Variants in GBF1 observed in about 807,000 individuals in gnomAD.
GBF1 encodes the protein Golgi-specific brefeldin A-resistance guanine nucleotide exchange factor 1.
A neutral mutation model predicts 210.5 loss-of-function variants in GBF1; 114 were observed. The ratio of observed to expected loss-of-function variants is 0.54; its 90% CI spans 0.47 to 0.63. The LOEUF is 0.63. Among genes scored for constraint, GBF1 ranks in the 30% least tolerant of loss-of-function variants. GBF1 has a pLI of 0.00. For synonymous variants in GBF1, 850 were observed against 889.2 expected (o/e 0.96, Z 0.78); for missense variants, 1,851 against 2,357.7 (o/e 0.79, Z 4.45).
At chr10:102,237,868 C>T in the GBF1 span, among the ~76,000 whole-genome samples, 17 of 152,142 alleles carry the variant, frequency 1.1e-4, no homozygotes, top group African/African-American at 3.4e-4. Context: ...CCTCCACTCC[C>T]GTACTGCCCT....
At chr10:102,231,308 G>A in the GBF1 span, among the ~76,000 whole-genome samples, 1 of 152,234 alleles carries the variant, frequency 6.6e-6, no homozygotes, top group Non-Finnish European at 1.5e-5. Flanking sequence ...ATCGGCGCCA[G>A]GGTCTGGCGG....
At chr10:102,381,376 T>A in intron 39 of GBF1, 121 bp downstream of exon 39, 1 of 927,886 alleles carries the variant, frequency 1.1e-6, no homozygotes, top group South Asian at 1.6e-5. Context: ...AGAAGGCCAC[T>A]AGAGAGAACT....
chr10:102,338,117 T>C (rs1040707861), intron 3 of GBF1, among the ~76,000 whole-genome samples: 2 of 152,126 alleles, frequency 1.3e-5, no homozygotes, highest in East Asian at 3.8e-4. Flanking sequence ...CCTGGTGGGC[T>C]CATTAAAAAG....
intron 3 of GBF1, among the ~76,000 whole-genome samples, chr10:102,301,227 T>A (rs942201686): frequency 1.3e-5 from 2 of 152,174 alleles, no homozygotes; most frequent in Non-Finnish European, 2.9e-5. Context: ...ACAAAGCACA[T>A]CTTGCACCAC....
At chr10:102,296,579 C>G (rs1267057356) in intron 3 of GBF1, among the ~76,000 whole-genome samples, 1 of 152,006 alleles carries the variant, frequency 6.6e-6, no homozygotes, top group Non-Finnish European at 1.5e-5. Flanking sequence ...CCCATCTCTA[C>G]TAAAAAGACA....
At chr10:102,347,137 TC>T (rs1366812979) in intron 4 of GBF1, among the ~76,000 whole-genome samples, 30 of 152,212 alleles carry the variant, frequency 2.0e-4, no homozygotes, top group Non-Finnish European at 4.0e-4. Context: ...CAGGCAGCTG[TC>T]TTTGTTTCTT....
intron 35 of GBF1, 21 bp downstream of exon 35, chr10:102,379,672 TAAGATA>T: frequency 1.2e-6 from 2 of 1,613,506 alleles, no homozygotes; most frequent in Non-Finnish European, 1.7e-6. Flanking sequence ...CTACTGGTCT[TAAGATA>T]AAGTTCAAAT....
intron 3 of GBF1, among the ~76,000 whole-genome samples, chr10:102,337,972 C>T (rs2057885703): frequency 6.6e-6 from 1 of 152,162 alleles, no homozygotes; most frequent in Admixed American, 6.5e-5. Flanking sequence ...CTCTTATGCT[C>T]CTGGCAATCA....
the GBF1 span, among the ~76,000 whole-genome samples, chr10:102,235,260 G>A: frequency 6.6e-6 from 1 of 151,386 alleles, no homozygotes; most frequent in South Asian, 2.1e-4. Flanking sequence ...GGAGGAGCAG[G>A]CCAAGGGGCC....
In GBF1 at chr10:102,357,685, C is replaced by T. The variant is rs116939649; in HGVS notation, c.640-354C>T. Among the ~76,000 whole-genome samples, 57 of 152,186 alleles carry T rather than the reference C, an allele frequency of 3.7e-4. No homozygotes were observed. The East Asian group carries it at 0.011, about 28-fold the overall frequency. On this transcript the variant is annotated intron_variant, in intron 8 of 39. Coordinates refer to ENST00000369983, the MANE Select transcript of GBF1 (RefSeq NM_001377137.1). ...CAGGGCAAAGGAAACCCTGCCCTTA[C>T]ACTTTCTGCAAGAGGGTCATGCATC...
chr10:102,358,831 G>A, intron 10 of GBF1, 102 bp downstream of exon 10: 1 of 734,322 alleles, frequency 1.4e-6, no homozygotes, highest in Non-Finnish European at 2.3e-6. Context: ...AGAAGCTTGG[G>A]GTAACTTCAA....
chr10:102,360,427 C>A (rs778101014), intron 12 of GBF1, 32 bp downstream of exon 12: 7 of 1,426,336 alleles, frequency 4.9e-6, no homozygotes, highest in Non-Finnish European at 6.9e-6. Context: ...GTCTCAGAGC[C>A]TCTTTCAAGG....
chr10:102,353,981 T>C, intron 8 of GBF1, among the ~76,000 whole-genome samples: 1 of 152,206 alleles, frequency 6.6e-6, no homozygotes, highest in Admixed American at 6.5e-5. Flanking sequence ...GACTTAGCCT[T>C]ATCCGCAGGT....
upstream of GBF1, among the ~76,000 whole-genome samples, chr10:102,241,875 A>T (rs1380867682): frequency 6.6e-6 from 1 of 152,176 alleles, no homozygotes; most frequent in African/African-American, 2.4e-5. The surrounding 1 kb of genome is among the most constrained non-coding windows in gnomAD (Gnocchi z 6.7). Context: ...CGCTACCCCG[A>T]GGAAAGTGGA....
intron 3 of GBF1, among the ~76,000 whole-genome samples, chr10:102,306,525 G>A (rs1322022166): frequency 2.0e-5 from 3 of 152,242 alleles, no homozygotes; most frequent in Non-Finnish European, 4.4e-5. Flanking sequence ...CCAGGTTCAA[G>A]CGATTCTCTG....
intron 3 of GBF1, among the ~76,000 whole-genome samples, chr10:102,290,522 A>G (rs1164171553): frequency 6.6e-6 from 1 of 152,016 alleles, no homozygotes; most frequent in Non-Finnish European, 1.5e-5. Context: ...TTAAATTTTC[A>G]GACAGGGTCT....
At chr10:102,245,141 G>A (rs2070696180), upstream of GBF1, among the ~76,000 whole-genome samples, 1 of 152,200 alleles carries the variant, frequency 6.6e-6, no homozygotes, top group South Asian at 2.1e-4. Context: ...GGACAGGGGA[G>A]TAGGGATGCC....
At chr10:102,336,614 C>T (rs142636368) in intron 3 of GBF1, among the ~76,000 whole-genome samples, 1 of 152,280 alleles carries the variant, frequency 6.6e-6, no homozygotes, top group African/African-American at 2.4e-5. Context: ...ACCCAGAACA[C>T]TTAAGTAATT....
chr10:102,298,328 C>T (rs778647980), intron 3 of GBF1, among the ~76,000 whole-genome samples: 3 of 152,112 alleles, frequency 2.0e-5, no homozygotes, highest in Admixed American at 6.5e-5. Context: ...GATGACAAGT[C>T]GAGTCCACAC....
Sources: allele counts gnomAD v4.1 joint callset (sites outside exome capture counted in the v4.1 genomes callset), GRCh38; gene constraint gnomAD v4.1.1; non-coding constraint Gnocchi (gnomAD v3.1); transcripts MANE v1.5; gene names NCBI Gene and HGNC (gene_info 2026-07-23, HGNC 2026-07-21).